GALNT13: variants seen among roughly 807,000 people sequenced by gnomAD.
GALNT13 encodes the protein UDP-GalNAc:polypeptide N-acetylgalactosaminyltransferase 13.
A neutral mutation model predicts 64.2 loss-of-function variants in GALNT13; 28 were observed. The ratio of observed to expected loss-of-function variants is 0.44; its 90% CI spans 0.32 to 0.60. The LOEUF (loss-of-function observed/expected upper bound fraction) is 0.60. Among genes scored for constraint, GALNT13 ranks in the 20% least tolerant of loss-of-function variants. GALNT13 has a pLI of 0.05. For missense variants in GALNT13, 577 were observed against 669.8 expected (o/e 0.86, Z 1.53); for synonymous variants, 214 against 224.6 (o/e 0.95, Z 0.42).
At chr2:153,506,134 C>A in the GALNT13 span, among the ~76,000 whole-genome samples, 1 of 151,910 alleles carries the variant, frequency 6.6e-6, no homozygotes, top group Admixed American at 6.6e-5. Flanking sequence ...TGCTGCTTTA[C>A]AGTTTGTTTG....
the GALNT13 span, among the ~76,000 whole-genome samples, chr2:153,084,279 G>C: frequency 6.6e-6 from 1 of 152,140 alleles, no homozygotes; most frequent in African/African-American, 2.4e-5. Context: ...GAAGAATGAT[G>C]ATGGTATTTT....
intron 3 of GALNT13, among the ~76,000 whole-genome samples, chr2:153,945,545 AG>A (rs1364191010): frequency 6.6e-6 from 1 of 152,252 alleles, no homozygotes; most frequent in Admixed American, 6.6e-5. Context: ...CTTTTGGAAA[AG>A]TGAATCTAAA....
At chr2:153,265,335 G>A in the GALNT13 span, among the ~76,000 whole-genome samples, 1 of 152,136 alleles carries the variant, frequency 6.6e-6, no homozygotes, top group African/African-American at 2.4e-5. Flanking sequence ...GTGGCTTGCA[G>A]GAACTCAGGT....
At chr2:153,631,526 C>G in the GALNT13 span, among the ~76,000 whole-genome samples, 3 of 152,164 alleles carry the variant, frequency 2.0e-5, no homozygotes. Context: ...AATGATATCT[C>G]ATTGTGGTTT....
At chr2:154,093,440 C>T (rs1701920627) in intron 3 of GALNT13, among the ~76,000 whole-genome samples, 1 of 151,898 alleles carries the variant, frequency 6.6e-6, no homozygotes, top group African/African-American at 2.4e-5. Context: ...AATGTACCTG[C>T]ACTACACTCT....
At chr2:153,332,658 A>G in the GALNT13 span, among the ~76,000 whole-genome samples, 1 of 151,986 alleles carries the variant, frequency 6.6e-6, no homozygotes, top group African/African-American at 2.4e-5. Flanking sequence ...GTGGTGGCTC[A>G]GGCTGCTGAT....
chr2:154,083,231 G>C (rs1558948241), intron 3 of GALNT13, among the ~76,000 whole-genome samples: 1 of 151,974 alleles, frequency 6.6e-6, no homozygotes, highest in Admixed American at 6.6e-5. Context: ...TAGATGTGTA[G>C]CATTATTTCT....
chr2:154,209,874 A>G (rs1023520973), intron 4 of GALNT13, among the ~76,000 whole-genome samples: 1 of 152,218 alleles, frequency 6.6e-6, no homozygotes, highest in African/African-American at 2.4e-5. Context: ...AACATTTCAA[A>G]TTTAATCTCC....
At chr2:154,083,774 A>G (rs529323452) in intron 3 of GALNT13, among the ~76,000 whole-genome samples, 3 of 151,976 alleles carry the variant, frequency 2.0e-5, no homozygotes, top group African/African-American at 7.2e-5. Flanking sequence ...TTTATGTGAC[A>G]GTAGCAGCAG....
the GALNT13 span, among the ~76,000 whole-genome samples, chr2:153,422,696 A>G: frequency 1.3e-5 from 2 of 152,134 alleles, no homozygotes; most frequent in Non-Finnish European, 2.9e-5. Context: ...ATAAAATAAC[A>G]TTTTGCCAAT....
At chr2:154,012,634 T>C (rs534587994) in intron 3 of GALNT13, among the ~76,000 whole-genome samples, 8 of 152,324 alleles carry the variant, frequency 5.3e-5, no homozygotes, top group African/African-American at 1.9e-4. Flanking sequence ...AGAGAAATTT[T>C]TGTGGACTGT....
intron 1 of GALNT13, among the ~76,000 whole-genome samples, chr2:153,878,621 G>A (rs571101762): frequency 6.6e-6 from 1 of 152,204 alleles, no homozygotes; most frequent in South Asian, 2.1e-4. Flanking sequence ...CACTAAGATG[G>A]TGCCACTCTG....
the GALNT13 span, among the ~76,000 whole-genome samples, chr2:153,553,416 T>A: frequency 2.0e-5 from 3 of 151,966 alleles, no homozygotes; most frequent in African/African-American, 7.3e-5. Context: ...GTGGGAGGAT[T>A]GCTTGAGCCT....
At chr2:153,671,996 A>T in the GALNT13 span, among the ~76,000 whole-genome samples, 1 of 152,230 alleles carries the variant, frequency 6.6e-6, no homozygotes, top group Admixed American at 6.5e-5. Context: ...CAACAAAAAG[A>T]GTTAACTATC....
the GALNT13 span, among the ~76,000 whole-genome samples, chr2:153,501,583 C>A: frequency 6.6e-6 from 1 of 152,096 alleles, no homozygotes; most frequent in Non-Finnish European, 1.5e-5. Flanking sequence ...CCACCTGTCT[C>A]GACCACCCAA....
intron 1 of GALNT13, among the ~76,000 whole-genome samples, chr2:153,892,426 A>T (rs1200829710): frequency 6.6e-6 from 1 of 152,074 alleles, no homozygotes; most frequent in Non-Finnish European, 1.5e-5. Context: ...TGGGTCCAAG[A>T]TTATGCTAAA....
intron 3 of GALNT13, among the ~76,000 whole-genome samples, chr2:154,103,880 C>T (rs531587432): frequency 6.6e-6 from 1 of 152,260 alleles, no homozygotes; most frequent in East Asian, 1.9e-4. Context: ...TTCTTTCATA[C>T]TCTAGCATGA....
the GALNT13 span, among the ~76,000 whole-genome samples, chr2:153,214,277 G>T: frequency 6.6e-6 from 1 of 152,092 alleles, no homozygotes; most frequent in African/African-American, 2.4e-5. Flanking sequence ...ATAGAGATAA[G>T]CCAATGAAAC....
intron 3 of GALNT13, among the ~76,000 whole-genome samples, chr2:154,139,104 G>T (rs1390438111): frequency 6.6e-6 from 1 of 151,828 alleles, no homozygotes; most frequent in Non-Finnish European, 1.5e-5. Flanking sequence ...AAGGTCCTTA[G>T]AGATGCCTAT....
Sources: gnomAD v4.1 joint callset for allele counts (sites outside exome capture counted in the v4.1 genomes callset) on GRCh38, gnomAD v4.1.1 for gene constraint, MANE v1.5 for transcripts, NCBI Gene and HGNC (gene_info 2026-07-23, HGNC 2026-07-21) for gene names.